Variants in CFAP299 observed in about 807,000 individuals in gnomAD.
The protein encoded by CFAP299 is cilia and flagella associated protein 299.
CFAP299 carries 21 observed loss-of-function variants against 27.0 expected under a neutral mutation model. The observed-to-expected ratio is 0.78, with a 90% CI of 0.55 to 1.12. The LOEUF is 1.12. CFAP299 is among the 50% of genes most tolerant of loss of function. The probability of loss-of-function intolerance (pLI) is 0.00; values close to 1 mark genes in which losing one functional copy is unlikely to be tolerated. For missense variants in CFAP299, 310 were observed against 276.6 expected (o/e 1.12, Z -0.86); for synonymous variants, 104 against 98.1 (o/e 1.06, Z -0.36).
intron 2 of CFAP299, among the ~76,000 whole-genome samples, chr4:80,427,286 T>C (rs1727572980): frequency 1.3e-5 from 2 of 152,212 alleles, no homozygotes; most frequent in Admixed American, 6.5e-5. Flanking sequence ...TATTTTACTT[T>C]GTATATCACT....
At chr4:80,728,347 T>C (rs529742570) in intron 3 of CFAP299, among the ~76,000 whole-genome samples, 38 of 152,296 alleles carry the variant, frequency 2.5e-4, no homozygotes, top group African/African-American at 6.7e-4. Flanking sequence ...TAAAAAGTAT[T>C]GTGGAACAAC....
At chr4:80,458,599 A>G (rs1729283901) in intron 2 of CFAP299, among the ~76,000 whole-genome samples, 2 of 152,224 alleles carry the variant, frequency 1.3e-5, no homozygotes, top group South Asian at 2.1e-4. Context: ...AATATAGCCA[A>G]TTTATTTATT....
intron 2 of CFAP299, among the ~76,000 whole-genome samples, chr4:80,435,662 G>A (rs541046885): frequency 6.6e-6 from 1 of 152,300 alleles, no homozygotes; most frequent in East Asian, 1.9e-4. Flanking sequence ...CTTGCAGAGG[G>A]TTGAGCAAAG....
chr4:80,568,535 CTA>C (rs1440373235), intron 2 of CFAP299, among the ~76,000 whole-genome samples: 7 of 151,984 alleles, frequency 4.6e-5, no homozygotes, highest in Non-Finnish European at 8.8e-5. Context: ...TTTTCCAAGC[CTA>C]TGTTGTGGTG....
chr4:80,532,391 T>G (rs1733523387), intron 2 of CFAP299, among the ~76,000 whole-genome samples: 2 of 152,184 alleles, frequency 1.3e-5, no homozygotes, highest in Non-Finnish European at 2.9e-5. Context: ...CATTATAATC[T>G]TTTTGACTTT....
At chr4:80,722,111 T>C (rs932266135) in intron 3 of CFAP299, among the ~76,000 whole-genome samples, 3 of 152,108 alleles carry the variant, frequency 2.0e-5, no homozygotes, top group African/African-American at 7.2e-5. Context: ...GCAAAAATAA[T>C]TTTACCATAT....
intron 3 of CFAP299, among the ~76,000 whole-genome samples, chr4:80,801,078 C>G (rs924297570): frequency 2.0e-5 from 3 of 151,678 alleles, no homozygotes; most frequent in Admixed American, 6.6e-5. Flanking sequence ...CCCACTGACT[C>G]AAATGTTAAT....
chr4:80,671,112 TA>T (rs1741454564), intron 3 of CFAP299, among the ~76,000 whole-genome samples: 1 of 152,246 alleles, frequency 6.6e-6, no homozygotes, highest in Non-Finnish European at 1.5e-5. Context: ...CTAGGGTTTT[TA>T]TGGCTTTAGG....
intron 3 of CFAP299, among the ~76,000 whole-genome samples, chr4:80,864,499 T>C (rs1025657341): frequency 1.4e-5 from 2 of 147,450 alleles, no homozygotes; most frequent in African/African-American, 4.9e-5. Context: ...CACATATATA[T>C]ACATATATAC....
intron 2 of CFAP299, among the ~76,000 whole-genome samples, chr4:80,529,977 A>T (rs556016816): frequency 6.6e-6 from 1 of 152,346 alleles, no homozygotes; most frequent in South Asian, 2.1e-4. Flanking sequence ...GTATTTAAAG[A>T]TAGTATGAGA....
chr4:80,716,628 A>G (rs1321837672), intron 3 of CFAP299, among the ~76,000 whole-genome samples: 4 of 152,074 alleles, frequency 2.6e-5, no homozygotes, highest in South Asian at 2.1e-4. Context: ...TTTGTAGCTT[A>G]CTTCTTTATT....
At chr4:80,693,653 G>A (rs945586880) in intron 3 of CFAP299, among the ~76,000 whole-genome samples, 1 of 151,078 alleles carries the variant, frequency 6.6e-6, no homozygotes, top group Non-Finnish European at 1.5e-5. Context: ...TAACTAACCT[G>A]CACATTGTGC....
chr4:80,501,971 GT>G (rs1457373073), intron 2 of CFAP299, among the ~76,000 whole-genome samples: 1 of 151,808 alleles, frequency 6.6e-6, no homozygotes, highest in African/African-American at 2.4e-5. Flanking sequence ...ATTCTTTCTT[GT>G]TTTGGGTTGT....
chr4:80,327,341 G>C, the CFAP299 span, among the ~76,000 whole-genome samples: 2 of 152,064 alleles, frequency 1.3e-5, no homozygotes, highest in Non-Finnish European at 2.9e-5. Context: ...GTGGGATTGA[G>C]GTAGCGTGAA....
intron 2 of CFAP299, among the ~76,000 whole-genome samples, chr4:80,459,178 TA>T (rs1729318074): frequency 6.6e-6 from 1 of 152,024 alleles, no homozygotes; most frequent in African/African-American, 2.4e-5. Flanking sequence ...TTTGTAGAGA[TA>T]GGGTCTCCCT....
At chr4:80,641,072 A>G (rs552540350) in intron 3 of CFAP299, among the ~76,000 whole-genome samples, 29 of 152,326 alleles carry the variant, frequency 1.9e-4, no homozygotes, top group South Asian at 1.7e-3. Context: ...GCATATTGCA[A>G]TACTTTGTTG....
At chr4:80,352,441 C>A (rs1027881160) in intron 1 of CFAP299, among the ~76,000 whole-genome samples, 3 of 152,078 alleles carry the variant, frequency 2.0e-5, no homozygotes, top group Admixed American at 6.6e-5. Flanking sequence ...GTGGTGCACA[C>A]CTGTAATCCC....
intron 5 of CFAP299, among the ~76,000 whole-genome samples, chr4:80,958,571 A>G (rs560144057): frequency 4.6e-5 from 7 of 152,334 alleles, no homozygotes; most frequent in Middle Eastern, 3.4e-3. Flanking sequence ...TCTTAAGAAG[A>G]AGGAGAAAGG....
chr4:80,853,593 C>T (rs886634203), intron 3 of CFAP299, among the ~76,000 whole-genome samples: 2 of 152,066 alleles, frequency 1.3e-5, no homozygotes, highest in African/African-American at 4.8e-5. Context: ...TAGGCAGAAA[C>T]ATTTTTATCA....
Sources: allele counts gnomAD v4.1 joint callset (sites outside exome capture counted in the v4.1 genomes callset), GRCh38; gene constraint gnomAD v4.1.1; transcripts MANE v1.5; gene names NCBI Gene and HGNC (gene_info 2026-07-23, HGNC 2026-07-21).